IQCM: variants seen among roughly 807,000 people sequenced by gnomAD.
IQCM encodes the protein IQ domain-containing protein M.
IQCM carries 45 observed loss-of-function variants against 57.6 expected under a neutral mutation model. That is an observed-to-expected ratio of 0.78 (90% CI 0.62 to 1.00). IQCM has a LOEUF of 1.00. IQCM is among the 50% of genes least tolerant of loss of function. IQCM has a pLI of 0.00. For synonymous variants in IQCM, 148 were observed against 158.9 expected (o/e 0.93, Z 0.51); for missense variants, 468 against 511.6 (o/e 0.91, Z 0.82).
chr4:149,783,187 T>C (rs1353944512), intron 2 of IQCM, among the ~76,000 whole-genome samples: 1 of 152,204 alleles, frequency 6.6e-6, no homozygotes, highest in Non-Finnish European at 1.5e-5. Flanking sequence ...TAAAACTGAA[T>C]TCTTTTTTCC....
At chr4:149,528,047 A>G (rs1746346303) in intron 12 of IQCM, among the ~76,000 whole-genome samples, 1 of 150,216 alleles carries the variant, frequency 6.7e-6, no homozygotes, top group African/African-American at 2.5e-5. Context: ...GTGCAGTGGC[A>G]TGATCTTTGC....
At chr4:149,720,322 T>C (rs978823697) in intron 5 of IQCM, among the ~76,000 whole-genome samples, 4 of 152,234 alleles carry the variant, frequency 2.6e-5, no homozygotes, top group African/African-American at 9.6e-5. Flanking sequence ...TTAATATCTT[T>C]TCTATTTATA....
intron 12 of IQCM, among the ~76,000 whole-genome samples, chr4:149,523,505 G>C (rs1288168385): frequency 6.6e-6 from 1 of 152,022 alleles, no homozygotes; most frequent in Admixed American, 6.6e-5. Context: ...ATATGTTTAT[G>C]GAAAGTCAGT....
intron 9 of IQCM, among the ~76,000 whole-genome samples, chr4:149,576,026 T>C (rs976841172): frequency 1.3e-5 from 2 of 151,856 alleles, no homozygotes; most frequent in East Asian, 3.9e-4. Context: ...CTGGCATAGA[T>C]AAACATTCTG....
chr4:149,614,177 C>T lies in IQCM; in HGVS notation c.681+6952G>A, dbSNP rs978350390. Among the ~76,000 whole-genome samples, 10 of 152,188 alleles carry T rather than the reference C, an allele frequency of 6.6e-5. No homozygotes were observed. In the South Asian group the frequency reaches 1.5e-3, roughly 22 times the overall value. On this transcript the variant is annotated intron_variant, in intron 8 of 13. Transcript: ENST00000636793. ...CTGCAAAGTCTAATGTCCAGAAGTC[C>T]ATAATATGTTCTTTGAAAACAATTT...
chr4:149,806,471 C>T (rs903309664), intron 2 of IQCM, among the ~76,000 whole-genome samples: 4 of 152,052 alleles, frequency 2.6e-5, no homozygotes, highest in African/African-American at 9.6e-5. Flanking sequence ...AATCTCCCTT[C>T]ATCCTTCTTC....
At chr4:149,368,938 ATATATGTG>A (rs376134700) in intron 13 of IQCM, among the ~76,000 whole-genome samples, 2 of 81,900 alleles carry the variant, frequency 2.4e-5, no homozygotes, top group East Asian at 3.3e-4. Flanking sequence ...ACACGTGTAT[ATATATGTG>A]TATATATATA....
At chr4:149,748,953 A>T (rs1481303432) in intron 2 of IQCM, among the ~76,000 whole-genome samples, 1 of 152,206 alleles carries the variant, frequency 6.6e-6, no homozygotes, top group Non-Finnish European at 1.5e-5. Context: ...AGGCAACAAA[A>T]TGGGAAAGAA....
At chr4:149,514,392 T>A (rs531562219) in intron 12 of IQCM, 2 of 152,342 alleles carry the variant, frequency 1.3e-5, no homozygotes, top group Admixed American at 1.3e-4. Flanking sequence ...TTTACCTTCT[T>A]AATGAGTATC....
chr4:149,805,097 G>A (rs1773949691), intron 2 of IQCM, among the ~76,000 whole-genome samples: 1 of 152,050 alleles, frequency 6.6e-6, no homozygotes, highest in Non-Finnish European at 1.5e-5. Context: ...CAAGCCACCA[G>A]TAATGAGCAG....
intron 7 of IQCM, among the ~76,000 whole-genome samples, chr4:149,636,280 A>G (rs766183215): frequency 2.9e-4 from 44 of 152,224 alleles, no homozygotes; most frequent in Non-Finnish European, 4.8e-4. Context: ...AAGAAAACAG[A>G]TAAAATTTTA....
At chr4:149,434,077 T>C (rs2111280732) in intron 12 of IQCM, among the ~76,000 whole-genome samples, 1 of 152,214 alleles carries the variant, frequency 6.6e-6, no homozygotes, top group South Asian at 2.1e-4. Flanking sequence ...GTGCAAAGGA[T>C]TATTCCTAGT....
chr4:149,810,362 C>CAA (rs748565416), intron 2 of IQCM, among the ~76,000 whole-genome samples: 2 of 86,218 alleles, frequency 2.3e-5, no homozygotes, highest in Non-Finnish European at 2.8e-5. Flanking sequence ...ACACCATCTC[C>CAA]AAAAAAAAAA....
chr4:149,569,023 A>C (rs987592483), intron 9 of IQCM, among the ~76,000 whole-genome samples: 1 of 152,166 alleles, frequency 6.6e-6, no homozygotes, highest in Non-Finnish European at 1.5e-5. Flanking sequence ...GTGCTTTAAG[A>C]GACTTTACAC....
Position 149,732,877 on chromosome 4 carries a change from C to T in IQCM, c.385+367G>A, listed in dbSNP as rs150787186. 1.8e-3 allele frequency among the ~76,000 whole-genome samples: 273 copies of T among 152,280 alleles called. 1 individual carries two copies. The highest frequency in any genetic ancestry group is 3.1e-3 in the African/African-American group (129 of 41,562). On this transcript the variant is annotated intron_variant, in intron 5 of 13. Transcript: ENST00000636793. ...TTAGTGTTTTGAGGAAACACGCTCA[C>T]GAGTAAGTTGCCTATCCTATTGATC... is the stretch of plus-strand genomic sequence containing the variant.
chr4:149,368,166 C>T (rs1206557433), intron 13 of IQCM, among the ~76,000 whole-genome samples: 1 of 151,908 alleles, frequency 6.6e-6, no homozygotes, highest in Non-Finnish European at 1.5e-5. Context: ...GAATACCTTT[C>T]CTGTTCCTAA....
intron 8 of IQCM, among the ~76,000 whole-genome samples, chr4:149,592,761 G>A (rs1194830885): frequency 1.3e-5 from 2 of 152,020 alleles, no homozygotes; most frequent in Non-Finnish European, 2.9e-5. Flanking sequence ...AAGATCAGAT[G>A]GTTGTAGATG....
intron 2 of IQCM, among the ~76,000 whole-genome samples, chr4:149,771,936 T>C (rs1413498536): frequency 6.6e-6 from 1 of 152,168 alleles, no homozygotes; most frequent in Non-Finnish European, 1.5e-5. Context: ...AGGATGACCC[T>C]ATGTCCCATT....
At position 149,378,432 on chromosome 4, in the gene IQCM, A is replaced by C. The variant is rs994100752; in HGVS notation, c.1391-26366T>G. Among the ~76,000 whole-genome samples, 123 of 152,284 alleles carry C rather than the reference A, an allele frequency of 8.1e-4. 1 individual carries two copies. Among genetic ancestry groups the C allele is most frequent in the Non-Finnish European group, 4.3e-4 (29 of 68,020 alleles). On this transcript the variant is annotated intron_variant, in intron 13 of 13. Coordinates refer to ENST00000636793, the MANE Select transcript of IQCM (RefSeq NM_001363507.2). The stretch of plus-strand genomic sequence containing the variant: ...TGCTGATAATGATATGGACAATGAA[A>C]TCTAGGCTGAGATGCTGAGATGGTC...
Sources: gnomAD v4.1 joint callset for allele counts (sites outside exome capture counted in the v4.1 genomes callset) on GRCh38, gnomAD v4.1.1 for gene constraint, MANE v1.5 for transcripts, NCBI Gene and HGNC (gene_info 2026-07-23, HGNC 2026-07-21) for gene names.